RALYL: variants seen among roughly 807,000 people sequenced by gnomAD.
RALYL encodes RALY RNA binding protein like.
In RALYL, 29 loss-of-function variants were observed where a neutral mutation model predicts 35.1. The observed-to-expected ratio is 0.83, with a 90% confidence interval of 0.61 to 1.13. The LOEUF (loss-of-function observed/expected upper bound fraction) is 1.13. Among genes scored for constraint, RALYL ranks in the 50% most tolerant of loss-of-function variants. The pLI is 0.00. For synonymous variants in RALYL, 120 were observed against 127.6 expected, an observed-to-expected ratio of 0.94 and a Z score of 0.40; for missense variants, 359 against 360.4, an observed-to-expected ratio of 1.00 and a Z score of 0.03.
intron 2 of RALYL, among the ~76,000 whole-genome samples, chr8:84,571,578 T>A (rs986669317): frequency 4.0e-5 from 6 of 151,794 alleles, no homozygotes; most frequent in African/African-American, 1.4e-4. Context: ...CTTTCATTGG[T>A]CATTTGTATA....
intron 2 of RALYL, among the ~76,000 whole-genome samples, chr8:84,533,384 T>G (rs998862108): frequency 6.6e-6 from 1 of 152,184 alleles, no homozygotes; most frequent in African/African-American, 2.4e-5. Context: ...TTACACAAAA[T>G]GTTATGCAGA....
rs1266160728 is a variant in RALYL at position 84,849,989 on chromosome 8, C to G, written c.375C>G (p.Val125=). The G allele has an allele frequency of 1.3e-6, 2 of 1,492,040 alleles. No homozygotes were observed. Among genetic ancestry groups the G allele is most frequent in the Non-Finnish European group, 9.0e-7 (1 of 1,116,586 alleles). 92.4% of individuals were successfully genotyped at this position (1,492,040 alleles called of 1,614,324 possible). ...KEPFLSVGGY[V]FDYDYYRDDF... is the part of the protein sequence containing the mutation. ...TTGTTTCCCTCTTTAGCGGTTATGTCTTTGACTATGATTACTACAGAGATG... is the reference window on the plus strand; with the variant it reads ...TTGTTTCCCTCTTTAGCGGTTATGTGTTTGACTATGATTACTACAGAGATG... Residue 125 remains valine (V), a synonymous_variant, in exon 5 of 9, where the codon GTC becomes GTG. Transcript: ENST00000521268.
chr8:84,254,416 T>G (rs1028809872), intron 1 of RALYL, among the ~76,000 whole-genome samples: 9 of 152,098 alleles, frequency 5.9e-5, no homozygotes, highest in African/African-American at 2.2e-4. Context: ...AGATGAAATT[T>G]TGTCTCCTTG....
chr8:84,590,476 T>G (rs1812987708), intron 2 of RALYL, among the ~76,000 whole-genome samples: 1 of 152,234 alleles, frequency 6.6e-6, no homozygotes, highest in Non-Finnish European at 1.5e-5. Context: ...AATGATCATT[T>G]GTTCAAACGT....
At chr8:84,403,802 T>G (rs2043185519) in intron 1 of RALYL, among the ~76,000 whole-genome samples, 1 of 152,134 alleles carries the variant, frequency 6.6e-6, no homozygotes, top group African/African-American at 2.4e-5. Flanking sequence ...ATATTGATTC[T>G]TCCTATCCAT....
chr8:84,879,294 G>C (rs1841766757), intron 7 of RALYL, among the ~76,000 whole-genome samples: 1 of 152,086 alleles, frequency 6.6e-6, no homozygotes, highest in Non-Finnish European at 1.5e-5. Flanking sequence ...TACGTAAAGA[G>C]AAGCACATAG....
At chr8:84,243,995 G>A (rs992624582) in intron 1 of RALYL, among the ~76,000 whole-genome samples, 7 of 151,970 alleles carry the variant, frequency 4.6e-5, no homozygotes, top group Admixed American at 2.6e-4. Context: ...ACTTGTTCTT[G>A]TCTTTCTCCT....
chr8:84,522,107 T>C, intron 1 of RALYL, among the ~76,000 whole-genome samples: 1 of 152,284 alleles, frequency 6.6e-6, no homozygotes, highest in Middle Eastern at 3.4e-3. Context: ...CATTTAGTGG[T>C]ATTTTAAGCT....
At chr8:84,409,828 C>G (rs2043926173) in intron 1 of RALYL, among the ~76,000 whole-genome samples, 1 of 151,870 alleles carries the variant, frequency 6.6e-6, no homozygotes, top group South Asian at 2.1e-4. Flanking sequence ...CTATTAAGAA[C>G]TAAGTATGTG....
chr8:84,414,566 C>T (rs376050715), intron 1 of RALYL, among the ~76,000 whole-genome samples: 2 of 152,046 alleles, frequency 1.3e-5, no homozygotes, highest in Non-Finnish European at 2.9e-5. Flanking sequence ...TAAATGATTT[C>T]GAGCATATTT....
chr8:84,470,407 A>G (rs1001625945), intron 1 of RALYL, among the ~76,000 whole-genome samples: 1 of 152,050 alleles, frequency 6.6e-6, no homozygotes, highest in Non-Finnish European at 1.5e-5. Context: ...GAAATTAAAA[A>G]CAGGAGGTGG....
At chr8:84,662,891 TA>T (rs1241057924) in intron 2 of RALYL, among the ~76,000 whole-genome samples, 1 of 152,118 alleles carries the variant, frequency 6.6e-6, no homozygotes, top group East Asian at 1.9e-4. Context: ...GTTACATAGT[TA>T]AACGTGTGCC....
chr8:84,244,483 A>T (rs1828669032), intron 1 of RALYL, among the ~76,000 whole-genome samples: 1 of 152,192 alleles, frequency 6.6e-6, no homozygotes, highest in African/African-American at 2.4e-5. Flanking sequence ...ACAGGAAAAG[A>T]GTCTTCTTCC....
At chr8:84,764,575 G>C (rs1482754114) in intron 2 of RALYL, among the ~76,000 whole-genome samples, 1 of 152,092 alleles carries the variant, frequency 6.6e-6, no homozygotes, top group Non-Finnish European at 1.5e-5. Context: ...ACTTTGATTT[G>C]CCCTTGCAGA....
intron 1 of RALYL, among the ~76,000 whole-genome samples, chr8:84,387,983 A>G (rs1176289225): frequency 6.6e-6 from 1 of 151,812 alleles, no homozygotes; most frequent in Non-Finnish European, 1.5e-5. Flanking sequence ...TCCCAATGCT[A>G]TCCCTCCCCC....
chr8:84,322,682 A>G (rs1335185742), intron 1 of RALYL, among the ~76,000 whole-genome samples: 1 of 152,088 alleles, frequency 6.6e-6, no homozygotes, highest in Non-Finnish European at 1.5e-5. Flanking sequence ...TTAAATCTAA[A>G]ACTGATTCAT....
At chr8:84,716,396 CTT>C (rs968060817) in intron 2 of RALYL, among the ~76,000 whole-genome samples, 11 of 152,036 alleles carry the variant, frequency 7.2e-5, no homozygotes, top group African/African-American at 2.2e-4. Context: ...TAAAAATAAA[CTT>C]AGACAAAAAT....
intron 2 of RALYL, among the ~76,000 whole-genome samples, chr8:84,770,557 A>G (rs1404364404): frequency 6.6e-6 from 1 of 152,130 alleles, no homozygotes; most frequent in Non-Finnish European, 1.5e-5. Context: ...TCCTCTGGGT[A>G]GATACCCAGT....
At chr8:84,363,147 T>G (rs1853445174) in intron 1 of RALYL, among the ~76,000 whole-genome samples, 1 of 152,122 alleles carries the variant, frequency 6.6e-6, no homozygotes, top group Non-Finnish European at 1.5e-5. Context: ...CTTGGACCCA[T>G]GAGGACAAAC....
Sources: allele counts gnomAD v4.1 joint callset (sites outside exome capture counted in the v4.1 genomes callset), GRCh38; gene constraint gnomAD v4.1.1; transcripts MANE v1.5; gene names NCBI Gene and HGNC (gene_info 2026-07-23, HGNC 2026-07-21).